Variants in KLHDC10 observed in about 807,000 individuals in gnomAD.
The protein encoded by KLHDC10 is kelch domain containing 10.
In KLHDC10, 24 loss-of-function variants were observed where a neutral mutation model predicts 56.1. The observed-to-expected ratio is 0.43, with a 90% CI of 0.31 to 0.60. The LOEUF (loss-of-function observed/expected upper bound fraction) is 0.60, where lower values mean the gene tolerates loss of function less well. Ranked by LOEUF, KLHDC10 falls within the 20% of genes least tolerant of loss-of-function variation. The pLI is 0.11. For synonymous variants in KLHDC10, 188 were observed against 207.1 expected (o/e 0.91, Z 0.79); for missense variants, 349 against 567.0 (o/e 0.62, Z 3.91).
chr7:130,100,739 T>C (rs549384828), intron 2 of KLHDC10, among the ~76,000 whole-genome samples: 2 of 152,262 alleles, frequency 1.3e-5, no homozygotes, highest in Admixed American at 1.3e-4. Context: ...TTATATCACC[T>C]CTCTTGGTTC....
intron 3 of KLHDC10, among the ~76,000 whole-genome samples, chr7:130,117,849 C>CAAA (rs60800057): frequency 5.9e-4 from 43 of 73,082 alleles, no homozygotes; most frequent in African/African-American, 7.6e-4. Flanking sequence ...GACCCTGTCT[C>CAAA]AAAAAAAAAA....
chr7:130,120,816 C>T lies in KLHDC10; in HGVS notation c.543C>T (p.Gly181=). Residue 181 remains glycine, a synonymous_variant, in exon 4 of 10, where the codon GGC becomes GGT. Transcript: ENST00000335420. The surrounding 1 kb of genome is among the most constrained non-coding windows in gnomAD (Gnocchi z 5.1). ...GCATCCCATTTGGAGAGAGCAACGG[C>T]AATGACGTCCATGTGTGTAATGTGA... is the stretch of plus-strand genomic sequence containing the variant. The part of the protein sequence containing the change: ...GTGIPFGESN[G]NDVHVCNVKY... 6.2e-7 allele frequency: 1 copy of T among 1,614,106 alleles called. No homozygotes were observed. Among genetic ancestry groups the T allele is most frequent in the Non-Finnish European group, 8.5e-7 (1 of 1,179,992 alleles).
At chr7:130,129,331 C>G (rs901632884) in intron 8 of KLHDC10, 106 bp from the exon 9 acceptor site, 2 of 1,289,900 alleles carry the variant, frequency 1.6e-6, no homozygotes, top group African/African-American at 3.0e-5. Context: ...ATGGGGCAAT[C>G]CACTTCACTG....
chr7:130,096,826 G>T, intron 1 of KLHDC10, 95 bp from the exon 2 acceptor site: 1 of 834,894 alleles, frequency 1.2e-6, no homozygotes, highest in South Asian at 2.0e-5. Context: ...GTATTGTTTT[G>T]TTTCCTGTTT....
Position 130,127,421 on chromosome 7 carries a change from A to C in KLHDC10, c.949A>C (p.Arg317=), listed in dbSNP as rs764600358. Residue 317 remains arginine, a synonymous_variant, in exon 8 of 10, where the codon AGG becomes CGG. Transcript: ENST00000335420. ...HEKIGFPAAR[R]CHSCVQIKND... ...TTTGGCAGGCTTTCCTGCAGCCCGA[A>C]GGTGTCACAGTTGTGTTCAAATAAA... 1.2e-6 allele frequency: 2 copies of C among 1,613,598 alleles called. No homozygotes were observed. Among genetic ancestry groups the C allele is most frequent in the Middle Eastern group, 1.7e-4 (1 of 6,060 alleles).
chr7:130,077,211 C>T (rs943373861), intron 1 of KLHDC10, among the ~76,000 whole-genome samples: 2 of 151,326 alleles, frequency 1.3e-5, no homozygotes, highest in East Asian at 2.0e-4. Context: ...AAAACTTAGC[C>T]GTTCTTGGTG....
At chr7:130,129,691 A>G (rs1179364307) in intron 9 of KLHDC10, 115 bp downstream of exon 9, 4 of 946,384 alleles carry the variant, frequency 4.2e-6, no homozygotes, top group East Asian at 2.8e-5. Flanking sequence ...GATTAATAAC[A>G]TATTTTTAAA....
At chr7:130,080,262 A>AT (rs1446723163) in intron 1 of KLHDC10, among the ~76,000 whole-genome samples, 1 of 151,502 alleles carries the variant, frequency 6.6e-6, no homozygotes, top group Non-Finnish European at 1.5e-5. Flanking sequence ...TTTTCTATGC[A>AT]TTTTTTCCCC....
intron 3 of KLHDC10, among the ~76,000 whole-genome samples, chr7:130,119,389 G>T (rs920701948): frequency 2.0e-5 from 3 of 151,714 alleles, no homozygotes; most frequent in African/African-American, 7.3e-5. Flanking sequence ...GCACACACCT[G>T]TAGTCCCAGC....
At chr7:130,107,554 AGC>A (rs1384799858) in intron 2 of KLHDC10, among the ~76,000 whole-genome samples, 1 of 152,134 alleles carries the variant, frequency 6.6e-6, no homozygotes, top group African/African-American at 2.4e-5. Context: ...ATACAAAACT[AGC>A]TGGGCGACCA....
intron 1 of KLHDC10, among the ~76,000 whole-genome samples, chr7:130,089,958 C>T (rs62491316): frequency 0.053 from 8,103 of 151,710 alleles, 263 homozygotes; most frequent in South Asian, 0.13. Flanking sequence ...CTTGGCTCAC[C>T]GCAACCTCTG....
chr7:130,101,333 A>G (rs1795926138), intron 2 of KLHDC10, among the ~76,000 whole-genome samples: 1 of 152,222 alleles, frequency 6.6e-6, no homozygotes, highest in Non-Finnish European at 1.5e-5. Context: ...AATTGGAATT[A>G]TATTGATGGA....
At position 130,130,054 on chromosome 7, in the gene KLHDC10, G is replaced by T. The variant is rs4731661; in HGVS notation, c.1119+478G>T. Among the ~76,000 whole-genome samples, 9 of 152,084 alleles carry T rather than the reference G, an allele frequency of 5.9e-5. No homozygotes were observed. The highest frequency in any genetic ancestry group is 3.4e-3 in the Middle Eastern group (1 of 294). ...TATATAGGCCGGGCGCGGTGGCTCAGGCCTGTAATCCCAGCACTTTGGGAG... is the reference window on the plus strand; with the variant it reads ...TATATAGGCCGGGCGCGGTGGCTCATGCCTGTAATCCCAGCACTTTGGGAG... On this transcript the variant is annotated intron_variant, in intron 9 of 9. Coordinates refer to ENST00000335420, the MANE Select transcript of KLHDC10 (RefSeq NM_014997.4). The surrounding 1 kb of genome is among the most constrained non-coding windows in gnomAD (Gnocchi z 4.2).
In KLHDC10 at chr7:130,134,774, G is replaced by A. The variant is rs1480768073; in HGVS notation, c.*4028G>A. 1 of 152,064 alleles carries A rather than the reference G, an allele frequency of 6.6e-6. No individual in the cohort carries two copies. The highest frequency in any genetic ancestry group is 1.5e-5 in the Non-Finnish European group (1 of 68,014). The allele number at this position is 152,064 out of a possible 1,614,324, so 9.4% of individuals were successfully genotyped here. A position where few individuals can be genotyped will look rare whatever the true frequency, so the allele number is the denominator to read the frequency against. On this transcript the variant is annotated 3_prime_UTR_variant, in exon 10 of 10. Coordinates refer to ENST00000335420, the MANE Select transcript of KLHDC10 (RefSeq NM_014997.4). ...TTTATTTTTCTGGCATTGAGCTCTA[G>A]GGTGGATGAGGGTTTATGGTCCTCT...
At chr7:130,114,436 G>T (rs1271075627) in intron 2 of KLHDC10, among the ~76,000 whole-genome samples, 1 of 152,104 alleles carries the variant, frequency 6.6e-6, no homozygotes, top group African/African-American at 2.4e-5. Context: ...ACAAATCTTT[G>T]AAGTGCAGTA....
Position 130,130,691 on chromosome 7 carries a change from G to A in KLHDC10, c.1274G>A (p.Arg425Gln), listed in dbSNP as rs762719350. The A allele has an allele frequency of 6.8e-6, 11 of 1,613,952 alleles. No homozygotes were observed. The highest frequency in any genetic ancestry group is 1.7e-5 in the Admixed American group (1 of 59,984). ...AAFPNLANLS[R>Q]TQLLHLGLTQ... ...TTCCCTAACCTTGCAAACCTCTCCC[G>A]AACACAACTTCTGCACCTTGGACTC... is the stretch of plus-strand genomic sequence containing the variant. Residue 425 changes from arginine (R) to glutamine (Q), a missense_variant, in exon 10 of 10, where the codon CGA (arginine) becomes CAA (glutamine). Coordinates refer to ENST00000335420, the MANE Select transcript of KLHDC10 (RefSeq NM_014997.4). This position sits in a 1 kb window ranked among gnomAD's most constrained non-coding sequence, Gnocchi z 4.2.
In KLHDC10 at chr7:130,070,771, A is replaced by T. The variant is rs1435140171; in HGVS notation, c.128A>T (p.Asn43Ile). 1.5e-6 allele frequency: 2 copies of T among 1,308,564 alleles called. No homozygotes were observed. The highest frequency in any genetic ancestry group is 3.0e-5 in the African/African-American group (2 of 66,318). 81.1% of individuals were successfully genotyped at this position (1,308,564 alleles called of 1,614,324 possible). ...GGGGGTCGGGGGACTGGCCAGCTCA[A>T]CCGCTTCGTGCAACTCTCCGGGCGG... ...GSGGRGTGQL[N>I]RFVQLSGRPH... is the part of the protein sequence containing the mutation. The change falls in exon 1 of 10, where the codon AAC becomes ATC. Residue 43 changes from asparagine (N) to isoleucine (I), a missense_variant. This residue lies in a region of KLHDC10 where 104 missense variants were observed against 97.0 expected (regional missense o/e 1.07). Transcript: ENST00000335420.
In KLHDC10 at chr7:130,125,861, C is replaced by A; in HGVS notation, c.865-4C>A. 6.3e-7 allele frequency: 1 copy of A among 1,585,582 alleles called. No individual in the cohort carries two copies. The highest frequency in any genetic ancestry group is 2.3e-5 in the East Asian group (1 of 44,318). On this transcript the variant is annotated splice_polypyrimidine_tract_variant and splice_region_variant and intron_variant, in intron 6 of 9. Coordinates refer to ENST00000335420, the MANE Select transcript of KLHDC10 (RefSeq NM_014997.4). ...ATGTGTATATGTTCTTTTTTTTCTC[C>A]AAGATCCATGCATACAACCTTGAAA...
chr7:130,121,001 G>A (rs972960922), intron 4 of KLHDC10, 98 bp downstream of exon 4: 27 of 1,219,386 alleles, frequency 2.2e-5, no homozygotes, highest in Non-Finnish European at 3.0e-5. Flanking sequence ...TATTTTAATG[G>A]AGAAGAGTTC....
Sources: allele counts gnomAD v4.1 joint callset (sites outside exome capture counted in the v4.1 genomes callset), GRCh38; gene constraint gnomAD v4.1.1; regional missense constraint gnomAD v4.1.1; non-coding constraint Gnocchi (gnomAD v3.1); transcripts MANE v1.5; gene names NCBI Gene and HGNC (gene_info 2026-07-23, HGNC 2026-07-21).